ARHGAP42: variants seen among roughly 807,000 people sequenced by gnomAD.
ARHGAP42 encodes Rho GTPase activating protein 42.
Under a neutral mutation model 125.0 loss-of-function variants are expected in ARHGAP42, and 63 were observed. The ratio of observed to expected loss-of-function variants is 0.50; its 90% CI spans 0.41 to 0.62. ARHGAP42 has a LOEUF of 0.62. Among genes scored for constraint, ARHGAP42 ranks in the 20% least tolerant of loss-of-function variants. ARHGAP42 has a pLI of 0.00. For synonymous variants in ARHGAP42, 339 were observed against 351.0 expected (o/e 0.97, Z 0.38); for missense variants, 766 against 1,024.2 (o/e 0.75, Z 3.44).
intron 1 of ARHGAP42, among the ~76,000 whole-genome samples, chr11:100,729,057 C>T (rs556753501): frequency 6.6e-6 from 1 of 151,458 alleles, no homozygotes; most frequent in East Asian, 2.1e-4. Flanking sequence ...GTGTGAGCCA[C>T]TGCACGCAGC....
chr11:100,917,887 G>C (rs1867117284), intron 5 of ARHGAP42, among the ~76,000 whole-genome samples: 1 of 152,004 alleles, frequency 6.6e-6, no homozygotes. Context: ...GTATTTTTTT[G>C]TATCAAATTT....
chr11:100,762,970 A>ATT (rs553749625), intron 1 of ARHGAP42, among the ~76,000 whole-genome samples: 9,812 of 84,700 alleles, frequency 0.12, 1,841 homozygotes, highest in Non-Finnish European at 0.17. Flanking sequence ...GTTTATAGTG[A>ATT]TTTTTTTTTT....
rs910340046 is a variant in ARHGAP42, at chr11:100,992,173, T to C, written c.*3372T>C. ...CAAATTGTAGTGATACCTTAAATCA[T>C]GTATTCAGGATGCCTTCTTTAGCAT... On this transcript the variant is annotated 3_prime_UTR_variant, in exon 24 of 24. Transcript: ENST00000298815. 7.7e-6 allele frequency: 7 copies of C among 911,574 alleles called. No homozygotes were observed. Among genetic ancestry groups the C allele is most frequent in the Middle Eastern group, 2.9e-4 (1 of 3,508 alleles). 56.5% of individuals were successfully genotyped at this position (911,574 alleles called of 1,614,324 possible). A position where few individuals can be genotyped will look rare whatever the true frequency, so the allele number is the denominator to read the frequency against.
At chr11:100,805,903 T>G (rs1350339860) in intron 3 of ARHGAP42, among the ~76,000 whole-genome samples, 1 of 152,202 alleles carries the variant, frequency 6.6e-6, no homozygotes, top group African/African-American at 2.4e-5. Flanking sequence ...TTGGCTGGTT[T>G]CTTTACTGCA....
At position 100,988,792 on chromosome 11, in the gene ARHGAP42, C is replaced by T. The variant is rs1858754741; in HGVS notation, c.2616C>T (p.Val872=). ...GACTAGTTCCAGAAAATTATGTTGT[C>T]TTCCTCTAATACTATTTAGTGGATG... is the stretch of plus-strand genomic sequence containing the variant. The part of the protein sequence containing the change: ...KTGLVPENYV[V]FL The change falls in exon 24 of 24, where the codon GTC becomes GTT. Residue 872 remains valine, a synonymous_variant. Transcript: ENST00000298815. 1.3e-6 allele frequency: 2 copies of T among 1,548,604 alleles called. No homozygotes were observed. The highest frequency in any genetic ancestry group is 3.9e-5 in the Admixed American group (2 of 50,968).
intron 4 of ARHGAP42, among the ~76,000 whole-genome samples, chr11:100,861,652 C>T (rs1419669574): frequency 6.6e-6 from 1 of 152,072 alleles, no homozygotes; most frequent in Non-Finnish European, 1.5e-5. Flanking sequence ...CGGGAATGTC[C>T]CTCTGGATTT....
In ARHGAP42 at chr11:100,699,506, A is replaced by ATTTT. The variant is rs869243290; in HGVS notation, c.154+11704_154+11707dup. On this transcript the variant is annotated intron_variant, in intron 1 of 23. Coordinates refer to ENST00000298815, the MANE Select transcript of ARHGAP42 (RefSeq NM_152432.4). ...TATATATATATATATATATATATATATTTTTTTTTTTTTTTTTTTTTTTTT... is the reference window on the plus strand; with the variant it reads ...TATATATATATATATATATATATATATTTTTTTTTTTTTTTTTTTTTTTTTTTTT... Among the ~76,000 whole-genome samples the ATTTT allele has an allele frequency of 1.9e-4, 6 of 31,756 alleles. 1 individual carries two copies. Among genetic ancestry groups the ATTTT allele is most frequent in the East Asian group, 4.5e-3 (2 of 444 alleles). 20.8% of individuals were successfully genotyped at this position (31,756 alleles called of 152,430 possible).
rs148379315 is a variant in ARHGAP42, at chr11:100,832,529, A to G, written c.313-27025A>G. Among the ~76,000 whole-genome samples the G allele has an allele frequency of 7.9e-5, 12 of 152,342 alleles. No individual in the cohort carries two copies. The East Asian group carries it at 2.1e-3, about 27-fold the overall frequency. Reference sequence around the variant, plus strand: ...ACACAAATCTAAAAGTCTTCCTAACACGATGTATGAACAAAGTATTTCAGG... The same window carrying G: ...ACACAAATCTAAAAGTCTTCCTAACGCGATGTATGAACAAAGTATTTCAGG... On this transcript the variant is annotated intron_variant, in intron 3 of 23. Coordinates refer to ENST00000298815, the MANE Select transcript of ARHGAP42 (RefSeq NM_152432.4).
chr11:100,932,817 G>A (rs1353181802), intron 6 of ARHGAP42, among the ~76,000 whole-genome samples: 4 of 152,100 alleles, frequency 2.6e-5, no homozygotes, highest in African/African-American at 9.7e-5. Flanking sequence ...GTTTTGATTA[G>A]AAGTTCTTCC....
At chr11:100,784,878 A>T (rs1343388785) in intron 2 of ARHGAP42, among the ~76,000 whole-genome samples, 1 of 152,216 alleles carries the variant, frequency 6.6e-6, no homozygotes, top group Non-Finnish European at 1.5e-5. Context: ...TTCCTATCTG[A>T]AAAATGCAGA....
intron 17 of ARHGAP42, 32 bp from the exon 18 acceptor site, chr11:100,973,142 AC>A (rs1461588699): frequency 2.0e-6 from 3 of 1,484,356 alleles, no homozygotes. Context: ...GAAACATATA[AC>A]TTAAGATATT....
At position 100,892,896 on chromosome 11, in the gene ARHGAP42, C is replaced by T. The variant is rs548322540; in HGVS notation, c.385-20556C>T. On this transcript the variant is annotated intron_variant, in intron 4 of 23. Transcript: ENST00000298815. The stretch of plus-strand genomic sequence containing the variant: ...TTGAAAAATTCTTCTCTCTGATTAA[C>T]CTAAATATCTCAGCTTCAGTCCATT... Among the ~76,000 whole-genome samples the T allele has an allele frequency of 7.9e-5, 12 of 152,254 alleles. No individual in the cohort carries two copies. In the South Asian group the frequency reaches 2.5e-3, roughly 32 times the overall value.
chr11:100,758,704 G>T (rs1021180101), intron 1 of ARHGAP42, among the ~76,000 whole-genome samples: 1 of 152,162 alleles, frequency 6.6e-6, no homozygotes, highest in African/African-American at 2.4e-5. Flanking sequence ...CTTACTATGT[G>T]CTGTGATGAA....
chr11:100,794,956 T>A (rs61890781), intron 2 of ARHGAP42, 149 bp from the exon 3 acceptor site: 122,569 of 504,898 alleles, frequency 0.24, 15,993 homozygotes, highest in Non-Finnish European at 0.28. Context: ...AAACATAAAA[T>A]CACAGAATAT....
chr11:100,873,602 T>C (rs1358140525), intron 4 of ARHGAP42, among the ~76,000 whole-genome samples: 3 of 152,224 alleles, frequency 2.0e-5, no homozygotes, highest in Non-Finnish European at 2.9e-5. Context: ...TCCAGTTTTT[T>C]GTTTAATAAT....
At chr11:100,790,359 G>A (rs1413086400) in intron 2 of ARHGAP42, among the ~76,000 whole-genome samples, 1 of 151,028 alleles carries the variant, frequency 6.6e-6, no homozygotes, top group African/African-American at 2.4e-5. Context: ...TTTTTGTTCT[G>A]AAAGTGTTTT....
chr11:100,716,325 G>C (rs1861659978), intron 1 of ARHGAP42, among the ~76,000 whole-genome samples: 1 of 152,174 alleles, frequency 6.6e-6, no homozygotes, highest in Non-Finnish European at 1.5e-5. Flanking sequence ...GTGGTTCACT[G>C]TGAAGGACGT....
intron 11 of ARHGAP42, 25 bp downstream of exon 11, chr11:100,948,560 T>G: frequency 3.3e-6 from 5 of 1,520,484 alleles, no homozygotes; most frequent in Non-Finnish European, 4.4e-6. Context: ...CATTCTATAA[T>G]TTAGGTTTTA....
At chr11:100,775,482 A>C (rs189106161) in intron 2 of ARHGAP42, among the ~76,000 whole-genome samples, 14 of 152,346 alleles carry the variant, frequency 9.2e-5, no homozygotes, top group African/African-American at 3.4e-4. Flanking sequence ...ACACTCTTGC[A>C]TGGGAATTGA....
Sources: allele counts gnomAD v4.1 joint callset (sites outside exome capture counted in the v4.1 genomes callset), GRCh38; gene constraint gnomAD v4.1.1; transcripts MANE v1.5; gene names NCBI Gene and HGNC (gene_info 2026-07-23, HGNC 2026-07-21).